Variants in PTPRD observed in about 807,000 individuals in gnomAD.
The protein encoded by PTPRD is protein tyrosine phosphatase receptor type D.
Under a neutral mutation model 214.5 loss-of-function variants are expected in PTPRD, and 34 were observed. The observed-to-expected ratio is 0.16, with a 90% CI of 0.12 to 0.21. The LOEUF is 0.21. PTPRD is among the 10% of genes least tolerant of loss of function. PTPRD has a pLI of 1.00. For synonymous variants in PTPRD, 1,128 were observed against 845.7 expected (o/e 1.33, Z -5.79); for missense variants, 2,545 against 2,398.7 (o/e 1.06, Z -1.27).
At chr9:9,247,238 G>A (rs529905609) in intron 9 of PTPRD, among the ~76,000 whole-genome samples, 25 of 152,110 alleles carry the variant, frequency 1.6e-4, no homozygotes, top group Admixed American at 8.5e-4. Context: ...GCCATACAGA[G>A]AGGTCAAGAA....
chr9:10,019,369 C>T (rs915406101), intron 4 of PTPRD, among the ~76,000 whole-genome samples: 6 of 152,068 alleles, frequency 3.9e-5, no homozygotes, highest in South Asian at 2.1e-4. Context: ...GTCAGTGTGG[C>T]GATTCCTTAG....
intron 2 of PTPRD, among the ~76,000 whole-genome samples, chr9:10,411,548 T>G (rs185539074): frequency 3.1e-4 from 47 of 151,900 alleles, no homozygotes; most frequent in Admixed American, 1.3e-4. Context: ...CTTGGCAGAT[T>G]CACCATCATC....
intron 11 of PTPRD, among the ~76,000 whole-genome samples, chr9:8,753,349 G>A (rs763868176): frequency 7.9e-5 from 12 of 152,222 alleles, no homozygotes; most frequent in Non-Finnish European, 1.2e-4. Flanking sequence ...CTGACAGGTA[G>A]TAGTTAGCAT....
intron 9 of PTPRD, among the ~76,000 whole-genome samples, chr9:9,277,296 C>G (rs1946026557): frequency 6.6e-6 from 1 of 151,312 alleles, no homozygotes. Context: ...AAATGCCAAT[C>G]TGTAAGAATT....
At chr9:8,727,304 T>C (rs1289452121) in intron 12 of PTPRD, among the ~76,000 whole-genome samples, 2 of 152,200 alleles carry the variant, frequency 1.3e-5, no homozygotes, top group Non-Finnish European at 2.9e-5. Context: ...TTAATCTTAC[T>C]AGGTAGCTAC....
intron 11 of PTPRD, among the ~76,000 whole-genome samples, chr9:8,823,325 A>G (rs181634432): frequency 9.9e-5 from 15 of 152,266 alleles, no homozygotes; most frequent in Non-Finnish European, 1.9e-4. Flanking sequence ...TCAATGATTC[A>G]CAAACTTTTA....
chr9:10,462,732 A>C (rs1022543004), intron 2 of PTPRD, among the ~76,000 whole-genome samples: 2 of 146,332 alleles, frequency 1.4e-5, no homozygotes, highest in Admixed American at 6.6e-5. Flanking sequence ...GAAGGATATA[A>C]GTAAAAAAAA....
chr9:9,750,428 C>T (rs2098505440), intron 6 of PTPRD, among the ~76,000 whole-genome samples: 1 of 152,114 alleles, frequency 6.6e-6, no homozygotes, highest in Non-Finnish European at 1.5e-5. Flanking sequence ...GATGCCTCTA[C>T]CCCACATTCT....
intron 8 of PTPRD, among the ~76,000 whole-genome samples, chr9:9,419,438 T>C (rs969617721): frequency 6.6e-6 from 1 of 151,804 alleles, no homozygotes; most frequent in Non-Finnish European, 1.5e-5. Context: ...TTTTAGTTAC[T>C]TGATAAGTGA....
intron 3 of PTPRD, among the ~76,000 whole-genome samples, chr9:10,286,242 C>G (rs1458273612): frequency 1.3e-5 from 2 of 151,864 alleles, no homozygotes; most frequent in Non-Finnish European, 2.9e-5. Context: ...TATCTGATGT[C>G]CCAGCCTGTG....
At chr9:10,049,430 A>G (rs2097482831) in intron 3 of PTPRD, among the ~76,000 whole-genome samples, 1 of 133,848 alleles carries the variant, frequency 7.5e-6, no homozygotes, top group Non-Finnish European at 1.5e-5. Flanking sequence ...AAAGAAAGAA[A>G]GAAAGAAAAG....
intron 11 of PTPRD, among the ~76,000 whole-genome samples, chr9:8,908,521 G>T (rs1202986829): frequency 6.6e-6 from 1 of 151,904 alleles, no homozygotes; most frequent in African/African-American, 2.4e-5. Context: ...ATTTAAAAAA[G>T]AAATTAGAAA....
intron 11 of PTPRD, among the ~76,000 whole-genome samples, chr9:8,869,016 T>C (rs2098247926): frequency 1.3e-5 from 2 of 152,156 alleles, no homozygotes; most frequent in East Asian, 3.9e-4. Context: ...GCCATCAAAC[T>C]AGCCTAAATT....
At chr9:9,868,076 C>T (rs2064437565) in intron 5 of PTPRD, among the ~76,000 whole-genome samples, 1 of 152,152 alleles carries the variant, frequency 6.6e-6, no homozygotes, top group South Asian at 2.1e-4. Context: ...TGATGGTGTG[C>T]CTACAGCCCA....
At position 8,675,974 on chromosome 9, in the gene PTPRD, G is replaced by A. The variant is rs181673406; in HGVS notation, c.65-39130C>T. ...CCTTCGGGATCAACTCCAACCCTCA[G>A]AATCTAACAGGTAAGTCTATTTATG... On this transcript the variant is annotated intron_variant, in intron 12 of 45. Transcript: ENST00000381196. Among the ~76,000 whole-genome samples the A allele has an allele frequency of 3.9e-5, 6 of 152,216 alleles. No individual in the cohort carries two copies. The East Asian group carries it at 1.2e-3, about 29-fold the overall frequency.
chr9:10,079,297 C>G (rs1329194591), intron 3 of PTPRD, among the ~76,000 whole-genome samples: 1 of 152,094 alleles, frequency 6.6e-6, no homozygotes, highest in Non-Finnish European at 1.5e-5. Flanking sequence ...TGGCTTTACT[C>G]TTCCAGATGG....
intron 14 of PTPRD, among the ~76,000 whole-genome samples, chr9:8,594,239 A>T (rs1388515699): frequency 6.6e-6 from 1 of 152,052 alleles, no homozygotes; most frequent in Non-Finnish European, 1.5e-5. Context: ...CTCTACTCCA[A>T]AGTCTGCTGT....
At chr9:8,936,427 C>CAAAAAAAAAAAAAAAAA (rs1181403459) in intron 11 of PTPRD, among the ~76,000 whole-genome samples, 46 of 31,638 alleles carry the variant, frequency 1.5e-3, no homozygotes, top group Non-Finnish European at 1.6e-3. Flanking sequence ...ACCCTGCCTC[C>CAAAAAAAAAAAAAAAAA]AAAAAAAAAA....
chr9:8,816,700 A>T (rs893697918), intron 11 of PTPRD, among the ~76,000 whole-genome samples: 2 of 152,142 alleles, frequency 1.3e-5, no homozygotes, highest in African/African-American at 4.8e-5. Flanking sequence ...ATCCTTTAAA[A>T]ATTAGAGAAA....
Sources: allele counts gnomAD v4.1 joint callset (sites outside exome capture counted in the v4.1 genomes callset), GRCh38; gene constraint gnomAD v4.1.1; transcripts MANE v1.5; gene names NCBI Gene and HGNC (gene_info 2026-07-23, HGNC 2026-07-21).